PXDNL: variants seen among roughly 807,000 people sequenced by gnomAD.
The protein encoded by PXDNL is probable oxidoreductase PXDNL.
PXDNL carries 145 observed loss-of-function variants against 150.8 expected under a neutral mutation model. The observed-to-expected ratio is 0.96, with a 90% CI of 0.84 to 1.10. The LOEUF (loss-of-function observed/expected upper bound fraction) is 1.10. PXDNL is among the 50% of genes least tolerant of loss of function. The pLI is 0.00. For synonymous variants in PXDNL, 757 were observed against 725.7 expected (o/e 1.04, Z -0.69); for missense variants, 2,087 against 1,873.9 (o/e 1.11, Z -2.10).
At chr8:51,449,648 T>C (rs541477074) in intron 10 of PXDNL, among the ~76,000 whole-genome samples, 97 of 152,362 alleles carry the variant, frequency 6.4e-4, no homozygotes, top group South Asian at 1.2e-3. Context: ...TTTTGTATTA[T>C]TGCTTTTGTA....
At chr8:51,590,348 T>C (rs990218084) in intron 3 of PXDNL, among the ~76,000 whole-genome samples, 2 of 151,754 alleles carry the variant, frequency 1.3e-5, no homozygotes, top group South Asian at 4.2e-4. Flanking sequence ...GGGCAAAGCC[T>C]AGTGGATCCG....
intron 3 of PXDNL, among the ~76,000 whole-genome samples, chr8:51,590,423 C>T (rs74878957): frequency 0.025 from 3,757 of 152,022 alleles, 143 homozygotes; most frequent in African/African-American, 0.086. Flanking sequence ...GTGGAAACTC[C>T]GGCCTGGGAA....
chr8:51,688,171 TGCG>T (rs944051587), intron 1 of PXDNL, among the ~76,000 whole-genome samples: 15 of 152,036 alleles, frequency 9.9e-5, no homozygotes, highest in Non-Finnish European at 2.9e-5. Flanking sequence ...ACACAGCCAC[TGCG>T]GCAGATCAGT....
intron 2 of PXDNL, among the ~76,000 whole-genome samples, chr8:51,621,448 C>CTG (rs10531050): frequency 0.085 from 12,097 of 142,148 alleles, 506 homozygotes; most frequent in Non-Finnish European, 0.1. Context: ...GTGTGTGTGT[C>CTG]TGTGTGTGTG....
chr8:51,404,725 A>G (rs1422090977), intron 17 of PXDNL, among the ~76,000 whole-genome samples: 2 of 152,214 alleles, frequency 1.3e-5, no homozygotes, highest in African/African-American at 4.8e-5. Context: ...AGGTCCTCCA[A>G]GTCCCCACTA....
At chr8:51,809,101 A>T in intron 1 of PXDNL, 80 bp downstream of exon 1, 1 of 1,467,638 alleles carries the variant, frequency 6.8e-7, no homozygotes, top group Non-Finnish European at 9.4e-7. Flanking sequence ...AGGAATCGTA[A>T]ATTAAAAGGA....
chr8:51,747,885 G>T (rs2037002684), intron 1 of PXDNL, among the ~76,000 whole-genome samples: 1 of 148,780 alleles, frequency 6.7e-6, no homozygotes, highest in Admixed American at 6.7e-5. Flanking sequence ...CATTCTCAGA[G>T]AACAGCCTGC....
At chr8:51,333,364 A>T (rs979510402) in intron 21 of PXDNL, among the ~76,000 whole-genome samples, 1 of 152,378 alleles carries the variant, frequency 6.6e-6, no homozygotes, top group Admixed American at 6.5e-5. Flanking sequence ...TCCTGGCAAC[A>T]CATCAAAACA....
At chr8:51,404,236 G>C (rs1032962515) in intron 17 of PXDNL, among the ~76,000 whole-genome samples, 1 of 152,236 alleles carries the variant, frequency 6.6e-6, no homozygotes, top group Non-Finnish European at 1.5e-5. Context: ...TGTCGAAAGA[G>C]ACCGGAGTGG....
chr8:51,446,634 C>T (rs1221368955), intron 12 of PXDNL, among the ~76,000 whole-genome samples: 1 of 152,094 alleles, frequency 6.6e-6, no homozygotes, highest in Non-Finnish European at 1.5e-5. Flanking sequence ...TAATACCACT[C>T]AGCATAAAAC....
rs188122054 is a variant in PXDNL, at chr8:51,624,986, T to G, written c.236+29703A>C. ...ATCATGAGTTTTAAATAATTTAAAA[T>G]TTTTTATAGTTATTATGAAAAGTTA... On this transcript the variant is annotated intron_variant, in intron 2 of 22. Transcript: ENST00000356297. Among the ~76,000 whole-genome samples the G allele has an allele frequency of 1.2e-3, 181 of 152,220 alleles. 1 individual carries two copies. Among genetic ancestry groups the G allele is most frequent in the Non-Finnish European group, 3.1e-4 (21 of 68,004 alleles).
At chr8:51,344,088 C>G (rs996517488) in intron 20 of PXDNL, among the ~76,000 whole-genome samples, 9 of 152,168 alleles carry the variant, frequency 5.9e-5, no homozygotes, top group Non-Finnish European at 4.4e-5. Context: ...TTCATTCATT[C>G]ATTTTGGGTT....
chr8:51,769,115 C>A (rs1461416704), intron 1 of PXDNL, among the ~76,000 whole-genome samples: 2 of 152,130 alleles, frequency 1.3e-5, no homozygotes, highest in Non-Finnish European at 2.9e-5. Flanking sequence ...AAAGAATGTG[C>A]ATCACTGACA....
chr8:51,561,243 G>A (rs1291424665), intron 3 of PXDNL, among the ~76,000 whole-genome samples: 3 of 151,798 alleles, frequency 2.0e-5, no homozygotes, highest in African/African-American at 7.2e-5. Flanking sequence ...GCAATTCCTA[G>A]GCAAATATAC....
chr8:51,589,550 A>G (rs993939884), intron 3 of PXDNL, among the ~76,000 whole-genome samples: 2 of 152,236 alleles, frequency 1.3e-5, no homozygotes, highest in Non-Finnish European at 2.9e-5. Context: ...TCAGACAGAA[A>G]TGAAGAACAA....
chr8:51,739,736 C>T (rs1288444963), intron 1 of PXDNL, among the ~76,000 whole-genome samples: 3 of 151,928 alleles, frequency 2.0e-5, no homozygotes, highest in African/African-American at 4.8e-5. Flanking sequence ...ATTAGCTGGG[C>T]ATGGTGGCAG....
At chr8:51,329,441 C>G (rs910392870) in intron 21 of PXDNL, among the ~76,000 whole-genome samples, 1 of 152,174 alleles carries the variant, frequency 6.6e-6, no homozygotes, top group African/African-American at 2.4e-5. Context: ...GGCTTATCAA[C>G]TACAGTTCCT....
rs117920476 is a variant in PXDNL at position 51,524,203 on chromosome 8, C to T, written c.381-24433G>A. Among the ~76,000 whole-genome samples the T allele has an allele frequency of 7.4e-3, 1,127 of 152,292 alleles. 7 individuals are homozygous for T. Among genetic ancestry groups the T allele is most frequent in the Middle Eastern group, 0.014 (4 of 294 alleles). On this transcript the variant is annotated intron_variant, in intron 4 of 22. Coordinates refer to ENST00000356297, the MANE Select transcript of PXDNL (RefSeq NM_144651.5). Reference sequence around the variant, plus strand: ...CTGTTATGACACATTGTTACATACGCTCCCTAACATGACATCTAGTTGTTT... The same window carrying T: ...CTGTTATGACACATTGTTACATACGTTCCCTAACATGACATCTAGTTGTTT...
At chr8:51,766,459 C>T (rs912197938) in intron 1 of PXDNL, among the ~76,000 whole-genome samples, 1 of 152,172 alleles carries the variant, frequency 6.6e-6, no homozygotes, top group Non-Finnish European at 1.5e-5. Flanking sequence ...ATTTGAAGAA[C>T]TAGTTAGGGT....
Sources: gnomAD v4.1 joint callset for allele counts (sites outside exome capture counted in the v4.1 genomes callset) on GRCh38, gnomAD v4.1.1 for gene constraint, MANE v1.5 for transcripts, NCBI Gene and HGNC (gene_info 2026-07-23, HGNC 2026-07-21) for gene names.